Variants in RPTOR observed in about 807,000 individuals in gnomAD.
RPTOR encodes the protein regulatory associated protein of MTOR complex 1, also known as regulatory-associated protein of mTOR.
A neutral mutation model predicts 169.9 loss-of-function variants in RPTOR; 21 were observed. The ratio of observed to expected loss-of-function variants is 0.12; its 90% CI spans 0.09 to 0.18. RPTOR has a LOEUF of 0.18. Ranked by LOEUF, RPTOR falls within the 10% of genes least tolerant of loss-of-function variation. The pLI, the probability that RPTOR is intolerant of heterozygous loss-of-function variation, is 1.00. For missense variants in RPTOR, 1,133 were observed against 1,855.9 expected, an observed-to-expected ratio of 0.61 and a Z score of 7.16; for synonymous variants, 732 against 753.2, an observed-to-expected ratio of 0.97 and a Z score of 0.46.
Position 80,878,186 on chromosome 17 carries a change from G to A in RPTOR, c.1510-2229G>A, listed in dbSNP as rs1243481086. On this transcript the variant is annotated intron_variant, in intron 13 of 33. Coordinates refer to ENST00000306801, the MANE Select transcript of RPTOR (RefSeq NM_020761.3). This position sits in a 1 kb window ranked among gnomAD's most constrained non-coding sequence, Gnocchi z 4.1. ...GGCAGAACGCACGCCTCACTCTGTC[G>A]ATGCAGTGTCTGTCACTGCTCAGTT... Among the ~76,000 whole-genome samples, 4 of 152,172 alleles carry A rather than the reference G, an allele frequency of 2.6e-5. No homozygotes were observed. Among genetic ancestry groups the A allele is most frequent in the Non-Finnish European group, 4.4e-5 (3 of 68,038 alleles).
chr17:80,709,227 C>T (rs568884451), intron 4 of RPTOR: 11 of 389,592 alleles, frequency 2.8e-5, no homozygotes, highest in Admixed American at 6.4e-5. Flanking sequence ...AAATTCAAAA[C>T]GATCGTTGTG....
At chr17:80,722,248 T>A (rs1374808447) in intron 4 of RPTOR, among the ~76,000 whole-genome samples, 1 of 151,104 alleles carries the variant, frequency 6.6e-6, no homozygotes, top group Non-Finnish European at 1.5e-5. Context: ...CTTCTCAAAT[T>A]TTTGAATTTG....
intron 7 of RPTOR, among the ~76,000 whole-genome samples, chr17:80,792,318 T>C (rs1265885874): frequency 6.6e-6 from 1 of 152,176 alleles, no homozygotes; most frequent in Non-Finnish European, 1.5e-5. Flanking sequence ...CTGAATTTAC[T>C]AAATTAGGCA....
chr17:80,770,397 A>G (rs1307804349), intron 6 of RPTOR, among the ~76,000 whole-genome samples: 3 of 152,134 alleles, frequency 2.0e-5, no homozygotes, highest in African/African-American at 4.8e-5. Context: ...TTGAGAAGAC[A>G]TGTTCGTATC....
rs916364358 is a variant in RPTOR, at chr17:80,800,249, C to T, written c.890+8740C>T. Among the ~76,000 whole-genome samples the T allele has an allele frequency of 6.6e-5, 10 of 152,322 alleles. No homozygotes were observed. In the South Asian group the frequency reaches 1.5e-3, roughly 22 times the overall value. On this transcript the variant is annotated intron_variant, in intron 7 of 33. Transcript: ENST00000306801. ...CCAACCCGAGTCATATCATTATCCT[C>T]GTCTTTGTCGGCACTGGAGACGTGG...
At position 80,961,043 on chromosome 17, in the gene RPTOR, T is replaced by C. The variant is rs72850513; in HGVS notation, c.3606-351T>C. ...GATCGGGGAGACACAATGAGGAGTT[T>C]TGAGGGAAGCAAAGCAAAGGGTGGG... On this transcript the variant is annotated intron_variant, in intron 30 of 33. Transcript: ENST00000306801. 2.4e-3 allele frequency: 784 copies of C among 327,148 alleles called. 2 individuals carry two copies. The highest frequency in any genetic ancestry group is 4.6e-3 in the Admixed American group (104 of 22,458). The allele number at this position is 327,148 out of a possible 1,614,324, so 20.3% of individuals were successfully genotyped here.
At chr17:80,772,530 C>A (rs1307410264) in intron 6 of RPTOR, among the ~76,000 whole-genome samples, 3 of 142,996 alleles carry the variant, frequency 2.1e-5, no homozygotes, top group Middle Eastern at 7.0e-3. Flanking sequence ...CCCTCCCCCC[C>A]ACATGCCTGG....
intron 3 of RPTOR, among the ~76,000 whole-genome samples, chr17:80,697,550 G>A (rs764432271): frequency 3.3e-5 from 5 of 152,170 alleles, no homozygotes; most frequent in Non-Finnish European, 7.3e-5. Flanking sequence ...GGGAGGAGGA[G>A]GGCGGCGTGA....
chr17:80,799,654 G>A (rs546658206), intron 7 of RPTOR, among the ~76,000 whole-genome samples: 39 of 152,238 alleles, frequency 2.6e-4, no homozygotes, highest in Admixed American at 1.7e-3. Flanking sequence ...TTTTGTTTCC[G>A]TCAAGCTTCA....
chr17:80,730,771 T>TTTTTTTCCGGGGGGGGG lies in RPTOR; in HGVS notation c.654+65_654+66insTTTTTTCCGGGGGGGGG. 4.2e-6 allele frequency: 2 copies of TTTTTTTCCGGGGGGGGG among 479,856 alleles called. No homozygotes were observed. The highest frequency in any genetic ancestry group is 2.3e-5 in the African/African-American group (1 of 42,724). 29.7% of individuals were successfully genotyped at this position (479,856 alleles called of 1,614,324 possible). A position where few individuals can be genotyped will look rare whatever the true frequency, so the allele number is the denominator to read the frequency against. ...TTTTGTTTTCCCTGGGGGTGGGGTT[T>TTTTTTTCCGGGGGGGGG]GGGTGGGGAGGTTGGGAGGTGTTGG... On this transcript the variant is annotated intron_variant, in intron 5 of 33. Coordinates refer to ENST00000306801, the MANE Select transcript of RPTOR (RefSeq NM_020761.3). The surrounding 1 kb of genome is among the most constrained non-coding windows in gnomAD (Gnocchi z 4.2).
At chr17:80,769,329 C>T (rs1398295439) in intron 6 of RPTOR, among the ~76,000 whole-genome samples, 1 of 152,214 alleles carries the variant, frequency 6.6e-6, no homozygotes, top group South Asian at 2.1e-4. Flanking sequence ...GTACATAGAA[C>T]AATTTAAACT....
chr17:80,789,423 T>C lies in RPTOR; in HGVS notation c.831-2027T>C, dbSNP rs78997534. The stretch of plus-strand genomic sequence containing the variant: ...CTCAGATGTGATCAAGCCCTGTAGT[T>C]TGGCAGGACCTGATCTTCTCTGTCT... On this transcript the variant is annotated intron_variant, in intron 6 of 33. Coordinates refer to ENST00000306801, the MANE Select transcript of RPTOR (RefSeq NM_020761.3). Among the ~76,000 whole-genome samples the C allele has an allele frequency of 2.6e-3, 390 of 152,310 alleles. 2 individuals are homozygous for C. Among genetic ancestry groups the C allele is most frequent in the African/African-American group, 9.2e-3 (381 of 41,566 alleles).
chr17:80,857,740 C>T lies in RPTOR; in HGVS notation c.1399-50C>T, dbSNP rs372225305. 3.2e-5 allele frequency: 45 copies of T among 1,398,158 alleles called. No homozygotes were observed. In the African/African-American group the frequency reaches 5.3e-4, roughly 17 times the overall value. 86.6% of individuals were successfully genotyped at this position (1,398,158 alleles called of 1,614,324 possible). A position where few individuals can be genotyped will look rare whatever the true frequency, so the allele number is the denominator to read the frequency against. On this transcript the variant is annotated intron_variant, in intron 12 of 33. Transcript: ENST00000306801. ...TCCCGCGTGGCACCCCTGCTGCTGC[C>T]CGTTCCCTTGCTGCGGCACAGGTGC...
In RPTOR at chr17:80,754,313, CTTCT is replaced by C; in HGVS notation, c.830+131_830+134del. ...ACGTGACAGACATGAGTGTCCCCGC[CTTCT>C]TTTTGTGTCATTCGGGATTCCAGGT... On this transcript the variant is annotated intron_variant, in intron 6 of 33. Coordinates refer to ENST00000306801, the MANE Select transcript of RPTOR (RefSeq NM_020761.3). This position sits in a 1 kb window ranked among gnomAD's most constrained non-coding sequence, Gnocchi z 4.2. 1.1e-6 allele frequency: 1 copy of C among 918,694 alleles called. No homozygotes were observed. Among genetic ancestry groups the C allele is most frequent in the South Asian group, 1.7e-5 (1 of 57,382 alleles). The allele number at this position is 918,694 out of a possible 1,614,324, so 56.9% of individuals were successfully genotyped here. A position where few individuals can be genotyped will look rare whatever the true frequency, so the allele number is the denominator to read the frequency against.
chr17:80,650,759 G>T (rs2065633277), intron 3 of RPTOR, among the ~76,000 whole-genome samples: 1 of 152,070 alleles, frequency 6.6e-6, no homozygotes, highest in African/African-American at 2.4e-5. Flanking sequence ...CATGGTTGAG[G>T]TGGTGGAGGC....
chr17:80,905,837 CT>C (rs1235699974), intron 20 of RPTOR, among the ~76,000 whole-genome samples: 2 of 152,224 alleles, frequency 1.3e-5, no homozygotes, highest in Non-Finnish European at 2.9e-5. Flanking sequence ...CGTGCCTGCC[CT>C]GGGTTCCGGG....
chr17:80,927,557 A>C (rs1210169607), intron 24 of RPTOR, among the ~76,000 whole-genome samples: 2 of 152,078 alleles, frequency 1.3e-5, no homozygotes, highest in African/African-American at 4.8e-5. Context: ...AGTACACAGC[A>C]GCTGATTGCA....
chr17:80,792,707 G>A (rs2067061343), intron 7 of RPTOR, among the ~76,000 whole-genome samples: 1 of 152,078 alleles, frequency 6.6e-6, no homozygotes, highest in East Asian at 1.9e-4. Context: ...GGGACTAGAT[G>A]ATCTGTGCTC....
intron 33 of RPTOR, 88 bp from the exon 34 acceptor site, chr17:80,964,173 CT>C (rs1457457749): frequency 1.8e-6 from 2 of 1,115,566 alleles, no homozygotes; most frequent in African/African-American, 3.0e-5. Flanking sequence ...CAGGAGCTGC[CT>C]AAGGATGCGG....
Sources: gnomAD v4.1 joint callset for allele counts (sites outside exome capture counted in the v4.1 genomes callset) on GRCh38, gnomAD v4.1.1 for gene constraint, Gnocchi (gnomAD v3.1) non-coding constraint, MANE v1.5 for transcripts, NCBI Gene and HGNC (gene_info 2026-07-23, HGNC 2026-07-21) for gene names.